The following KRT16 variants were observed in gnomAD, a reference collection of about 807,000 sequenced individuals.
KRT16 encodes keratin 16.
Under a neutral mutation model 44.8 loss-of-function variants are expected in KRT16, and 42 were observed. That is an observed-to-expected ratio of 0.94 (90% CI 0.73 to 1.21). The LOEUF is 1.21. KRT16 is among the 50% of genes most tolerant of loss of function. KRT16 has a pLI of 0.00. For missense variants in KRT16, 561 were observed against 626.9 expected (o/e 0.89, Z 1.12); for synonymous variants, 226 against 260.4 (o/e 0.87, Z 1.27).
At chr17:41,612,031 T>A (rs1908218630) in intron 1 of KRT16, 127 bp downstream of exon 1, 2 of 1,202,490 alleles carry the variant, frequency 1.7e-6, no homozygotes, top group African/African-American at 1.5e-5. Context: ...CTTCCCTGGG[T>A]GATCCTGGCC....
Position 41,610,385 on chromosome 17 carries a change from C to T in KRT16, c.1226G>A (p.Arg409Gln), listed in dbSNP as rs368945986. ...GTAGGTGGCAATCTCCTGCTCCAGC[C>T]GCGTCTTCACATCCAGCAAGATCTG... is the stretch of plus-strand genomic sequence containing the variant. The part of the protein sequence containing the change: ...EYQILLDVKT[R>Q]LEQEIATYRR... Residue 409 changes from arginine (R) to glutamine (Q), a missense_variant, in exon 6 of 8, where the codon CGG becomes CAG. By Grantham distance (43) the Arg-to-Gln change is conservative. Coordinates refer to ENST00000301653, the MANE Select transcript of KRT16 (RefSeq NM_005557.4). 5.0e-6 allele frequency: 8 copies of T among 1,612,410 alleles called. No individual in the cohort carries two copies. The highest frequency in any genetic ancestry group is 4.0e-5 in the African/African-American group (3 of 74,988).
Position 41,611,458 on chromosome 17 carries a change from C to T in KRT16, c.658G>A (p.Val220Ile), listed in dbSNP as rs1345833100. 3.7e-6 allele frequency: 6 copies of T among 1,614,130 alleles called. No homozygotes were observed. In the East Asian group the frequency reaches 6.7e-5, roughly 18 times the overall value. The change falls in exon 3 of 8, where the codon GTC becomes ATC. Residue 220 changes from valine to isoleucine, a missense_variant. Val to Ile is a conservative substitution (Grantham distance 29, BLOSUM62 3). Coordinates refer to ENST00000301653, the MANE Select transcript of KRT16 (RefSeq NM_005557.4). ...TCCAACACCCGGCGCAGGCCATTGACGTCGGCCTCCACAGTCTGCCGCAGG... is the reference window on the plus strand; with the variant it reads ...TCCAACACCCGGCGCAGGCCATTGATGTCGGCCTCCACAGTCTGCCGCAGG... ...LALRQTVEAD[V>I]NGLRRVLDEL...
Position 41,610,516 on chromosome 17 carries a change from T to G in KRT16, c.1095A>C (p.Lys365Asn). Residue 365 changes from lysine (K) to asparagine (N), a missense_variant, in exon 6 of 8, where the codon AAA becomes AAC. By Grantham distance (94) the Lys-to-Asn change is moderately conservative. Transcript: ENST00000301653. The stretch of plus-strand genomic sequence containing the variant: ...GGGACAGCTGCATGCAGTAGCGGCC[T>G]TTGGTCTCCTCCAGGCTGTTCTCCA... ...ASLENSLEET[K>N]GRYCMQLSQI... is the part of the protein sequence containing the mutation. 1.2e-6 allele frequency: 2 copies of G among 1,612,068 alleles called. No individual in the cohort carries two copies. Among genetic ancestry groups the G allele is most frequent in the Non-Finnish European group, 1.7e-6 (2 of 1,179,850 alleles).
In KRT16 at chr17:41,610,746, C is replaced by G. The variant is rs1212742419; in HGVS notation, c.1059+108G>C. The G allele has an allele frequency of 4.5e-6, 7 of 1,565,784 alleles. No homozygotes were observed. In the East Asian group the frequency reaches 1.6e-4, roughly 35 times the overall value. ...TCTATATAACGGTCCCATGAGTCCCCTGGTCCCATCCTGAGAAAAGAAAGG... is the reference window on the plus strand; with the variant it reads ...TCTATATAACGGTCCCATGAGTCCCGTGGTCCCATCCTGAGAAAAGAAAGG... On this transcript the variant is annotated intron_variant, in intron 5 of 7. Transcript: ENST00000301653.
In KRT16 at chr17:41,612,429, C is replaced by T. The variant is rs1567745601; in HGVS notation, c.260G>A (p.Gly87Asp). ...ACCGAAGCCAGCACCAAGGCCACCA[C>T]CATATCCTCCCCCGAAGCCACTACC... is the stretch of plus-strand genomic sequence containing the variant. ...SFGSGFGGGY[G>D]GGLGAGFGGG... The change falls in exon 1 of 8, where the codon GGT becomes GAT. Residue 87 changes from glycine to aspartate, a missense_variant. Gly to Asp is a moderately conservative substitution (Grantham distance 94, BLOSUM62 -1). Transcript: ENST00000301653. 5 of 1,613,904 alleles carry T rather than the reference C, an allele frequency of 3.1e-6. No homozygotes were observed. Among genetic ancestry groups the T allele is most frequent in the Non-Finnish European group, 4.2e-6 (5 of 1,179,932 alleles).
intron 1 of KRT16, 93 bp from the exon 2 acceptor site, chr17:41,611,814 A>C (rs1204079312): frequency 8.3e-7 from 1 of 1,202,790 alleles, no homozygotes; most frequent in African/African-American, 1.5e-5. Context: ...AACCGCCCCA[A>C]ATCTGGAAGT....
At position 41,611,188 on chromosome 17, in the gene KRT16, C is replaced by T. The variant is rs1908183989; in HGVS notation, c.814G>A (p.Val272Met). The change falls in exon 4 of 8, where the codon GTG becomes ATG. Residue 272 changes from valine (V) to methionine (M), a missense_variant. Physicochemically the swap from Val to Met is conservative, Grantham distance 21. Transcript: ENST00000301653. The stretch of plus-strand genomic sequence containing the variant: ...ACGCCAGGTGCAGCATCCATCTCCA[C>T]GTTCACATCTCCGCCGGTCTGACCT... ...LRGQTGGDVN[V>M]EMDAAPGVDL... 1.9e-6 allele frequency: 3 copies of T among 1,613,882 alleles called. No individual in the cohort carries two copies. Among genetic ancestry groups the T allele is most frequent in the Non-Finnish European group, 2.5e-6 (3 of 1,179,888 alleles).
Position 41,610,316 on chromosome 17 carries a change from G to T in KRT16, c.1280+15C>A. Reference sequence around the variant, plus strand: ...AAAGGGTCTGGGAGGCAGAACTGAGGGGCCTGGGACTCACTGGGCATCCTC... The same window carrying T: ...AAAGGGTCTGGGAGGCAGAACTGAGTGGCCTGGGACTCACTGGGCATCCTC... On this transcript the variant is annotated intron_variant, in intron 6 of 7. Transcript: ENST00000301653. 6.2e-7 allele frequency: 1 copy of T among 1,613,330 alleles called. No individual in the cohort carries two copies. Among genetic ancestry groups the T allele is most frequent in the Non-Finnish European group, 8.5e-7 (1 of 1,179,864 alleles).
chr17:41,611,947 G>A, intron 1 of KRT16: 1 of 805,982 alleles, frequency 1.2e-6, no homozygotes, highest in Non-Finnish European at 2.1e-6. Flanking sequence ...CTGAACCCTT[G>A]AAGGAAATAA....
chr17:41,609,955 T>G lies in KRT16; in HGVS notation c.1402A>C (p.Ser468Arg), dbSNP rs1441701532. The change falls in exon 8 of 8, where the codon AGC becomes CGC. Residue 468 changes from serine to arginine, a missense_variant. Ser to Arg is a moderately radical substitution (Grantham distance 110). Transcript: ENST00000301653. ...CAGTTCTAGGAGCTCTGGCCCTGGCTGAAGCTGGATGAGCTCTGCTCCTTG... is the reference window on the plus strand; with the variant it reads ...CAGTTCTAGGAGCTCTGGCCCTGGCGGAAGCTGGATGAGCTCTGCTCCTTG... ...ILKEQSSSSFSQGQSS is the reference protein window; with the variant it reads ...ILKEQSSSSFRQGQSS The G allele has an allele frequency of 6.2e-7, 1 of 1,611,836 alleles. No individual in the cohort carries two copies. Among genetic ancestry groups the G allele is most frequent in the East Asian group, 2.2e-5 (1 of 44,882 alleles).
rs372717053 is a variant in KRT16 at position 41,611,710 on chromosome 17, G to A, written c.543C>T (p.Ala181=). The change falls in exon 2 of 8, where the codon GCC becomes GCT. Residue 181 remains alanine, a synonymous_variant. Transcript: ENST00000301653. The part of the protein sequence containing the change: ...IEDLRNKIIA[A]TIENAQPILQ... ...AAATGGGCTGCGCATTCTCAATGGTGGCCGCAATGATCTGGAGTGGGGATG... is the reference window on the plus strand; with the variant it reads ...AAATGGGCTGCGCATTCTCAATGGTAGCCGCAATGATCTGGAGTGGGGATG... 1 of 1,610,536 alleles carries A rather than the reference G, an allele frequency of 6.2e-7. No individual in the cohort carries two copies. The highest frequency in any genetic ancestry group is 8.5e-7 in the Non-Finnish European group (1 of 1,179,280).
chr17:41,610,916 C>T lies in KRT16; in HGVS notation c.997G>A (p.Val333Met). The change falls in exon 5 of 8, where the codon GTG (valine) becomes ATG (methionine). Residue 333 changes from valine to methionine, a missense_variant. By Grantham distance (21) the Val-to-Met change is conservative. Transcript: ENST00000301653. ...SELVQSSRSE[V>M]TELRRVLQGL... Reference sequence around the variant, plus strand: ...TGGAGCACCCTCCGGAGCTCCGTCACCTCACTGCGGCTGCTCTGTACCAGT... The same window carrying T: ...TGGAGCACCCTCCGGAGCTCCGTCATCTCACTGCGGCTGCTCTGTACCAGT... The T allele has an allele frequency of 6.2e-7, 1 of 1,614,200 alleles. No homozygotes were observed. The highest frequency in any genetic ancestry group is 8.5e-7 in the Non-Finnish European group (1 of 1,180,040).
At position 41,611,164 on chromosome 17, in the gene KRT16, C is replaced by T. The variant is rs554877931; in HGVS notation, c.838G>A (p.Val280Met). 1.2e-5 allele frequency: 20 copies of T among 1,613,988 alleles called. No individual in the cohort carries two copies. Among genetic ancestry groups the T allele is most frequent in the East Asian group, 4.5e-5 (2 of 44,888 alleles). ...TCATTCAGGATGCGGCTCAGGTCCA[C>T]GCCAGGTGCAGCATCCATCTCCACG... ...VNVEMDAAPG[V>M]DLSRILNEMR... Residue 280 changes from valine to methionine, a missense_variant, in exon 4 of 8, where the codon GTG becomes ATG. Transcript: ENST00000301653.
chr17:41,612,714 T>G lies in KRT16; in HGVS notation c.-26A>C, dbSNP rs1274095481. The stretch of plus-strand genomic sequence containing the variant: ...GGTGCCAAGGAGGGAGGTGAGCGAG[T>G]GAGCAGTTGGCTGAAAGAAGGAAAG... On this transcript the variant is annotated 5_prime_UTR_variant, in exon 1 of 8. Transcript: ENST00000301653. 2 of 1,566,974 alleles carry G rather than the reference T, an allele frequency of 1.3e-6. No individual in the cohort carries two copies. The highest frequency in any genetic ancestry group is 1.7e-6 in the Non-Finnish European group (2 of 1,159,174).
chr17:41,610,632 A>T (rs1183603137), intron 5 of KRT16, 81 bp from the exon 6 acceptor site: 1 of 1,555,806 alleles, frequency 6.4e-7, no homozygotes, highest in Non-Finnish European at 8.8e-7. Context: ...TTTTTGAGAG[A>T]TGCCTGGATT....
chr17:41,611,391 T>A lies in KRT16; in HGVS notation c.725A>T (p.Glu242Val). The change falls in exon 3 of 8, where the codon GAA becomes GTA. Residue 242 changes from glutamate to valine, a missense_variant. Transcript: ENST00000301653. ...LARTDLEMQI[E>V]GLKEELAYLR... ...GTAGGCCAGCTCCTCCTTCAGGCCT[T>A]CGATCTGCATCTCCAGGTCAGTCCT... 6.2e-7 allele frequency: 1 copy of A among 1,614,230 alleles called. No individual in the cohort carries two copies. The highest frequency in any genetic ancestry group is 8.5e-7 in the Non-Finnish European group (1 of 1,180,040).
Position 41,610,994 on chromosome 17 carries a change from C to A in KRT16, c.934-15G>T. Reference sequence around the variant, plus strand: ...AGCTCCTCGGTCTGAGGCAGGAAAGCAGAGTGAAAGGTGAGGCTCTCCCAA... The same window carrying A: ...AGCTCCTCGGTCTGAGGCAGGAAAGAAGAGTGAAAGGTGAGGCTCTCCCAA... On this transcript the variant is annotated splice_polypyrimidine_tract_variant and intron_variant, in intron 4 of 7. Coordinates refer to ENST00000301653, the MANE Select transcript of KRT16 (RefSeq NM_005557.4). The A allele has an allele frequency of 3.7e-6, 6 of 1,614,068 alleles. No individual in the cohort carries two copies. The highest frequency in any genetic ancestry group is 4.2e-6 in the Non-Finnish European group (5 of 1,179,930).
Position 41,610,004 on chromosome 17 carries a change from C to T in KRT16, c.1353G>A (p.Ser451=), listed in dbSNP as rs750024093. Residue 451 remains serine (S), a synonymous_variant, in exon 8 of 8, where the codon TCG becomes TCA. Transcript: ENST00000301653. The part of the protein sequence containing the change: ...REVFTSSSSS[S]SRQTRPILKE... ...TGAGGATGGGCCGGGTCTGACGGCTCGAAGAGGACGAGGAGGAGGTGAAGA... is the reference window on the plus strand; with the variant it reads ...TGAGGATGGGCCGGGTCTGACGGCTTGAAGAGGACGAGGAGGAGGTGAAGA... The T allele has an allele frequency of 2.1e-5, 34 of 1,611,468 alleles. No individual in the cohort carries two copies. Among genetic ancestry groups the T allele is most frequent in the African/African-American group, 4.0e-5 (3 of 74,734 alleles).
At position 41,610,423 on chromosome 17, in the gene KRT16, C is replaced by T; in HGVS notation, c.1188G>A (p.Gln396=). The T allele has an allele frequency of 2.5e-6, 4 of 1,612,286 alleles. No individual in the cohort carries two copies. The highest frequency in any genetic ancestry group is 3.4e-6 in the Non-Finnish European group (4 of 1,179,872). The stretch of plus-strand genomic sequence containing the variant: ...CCAGCAAGATCTGGTACTCCTGGCT[C>T]TGCTGCTCCATCTCACAGCGTAGCT... ...LAQLRCEMEQ[Q]SQEYQILLDV... The change falls in exon 6 of 8, where the codon CAG becomes CAA. Residue 396 remains glutamine (Q), a synonymous_variant. Coordinates refer to ENST00000301653, the MANE Select transcript of KRT16 (RefSeq NM_005557.4).
Sources: allele counts gnomAD v4.1 joint callset, GRCh38; gene constraint gnomAD v4.1.1; transcripts MANE v1.5; gene names NCBI Gene and HGNC (gene_info 2026-07-23, HGNC 2026-07-21).